Variants in TTC3 observed in about 807,000 individuals in gnomAD.
The protein encoded by TTC3 is tetratricopeptide repeat domain 3.
In TTC3, 180 loss-of-function variants were observed where a neutral mutation model predicts 249.6. The observed-to-expected ratio is 0.72, with a 90% CI of 0.64 to 0.82. TTC3 has a LOEUF of 0.82. TTC3 is among the 40% of genes least tolerant of loss of function. The pLI is 0.00. For synonymous variants in TTC3, 717 were observed against 805.0 expected (o/e 0.89, Z 1.85); for missense variants, 2,061 against 2,398.4 (o/e 0.86, Z 2.94).
At chr21:37,080,808 A>AT (rs932874788) in intron 1 of TTC3, among the ~76,000 whole-genome samples, 8 of 149,226 alleles carry the variant, frequency 5.4e-5, no homozygotes, top group African/African-American at 1.2e-4. Flanking sequence ...TTTTACTTTG[A>AT]TTTTTTTTAG....
intron 32 of TTC3, among the ~76,000 whole-genome samples, chr21:37,165,018 CA>C (rs1221635834): frequency 1.3e-5 from 2 of 152,116 alleles, no homozygotes; most frequent in African/African-American, 4.8e-5. Flanking sequence ...ATCATATTTC[CA>C]GAGAACTCTT....
At chr21:37,078,428 A>G (rs976487031) in intron 1 of TTC3, among the ~76,000 whole-genome samples, 1 of 152,092 alleles carries the variant, frequency 6.6e-6, no homozygotes, top group Non-Finnish European at 1.5e-5. Context: ...TTTATTTTTA[A>G]GAATATGGTA....
chr21:37,124,449 G>A (rs1233697977), intron 13 of TTC3, among the ~76,000 whole-genome samples, 170 bp from the exon 14 acceptor site: 4 of 152,038 alleles, frequency 2.6e-5, no homozygotes, highest in Non-Finnish European at 4.4e-5. Context: ...TGAGTTTAAT[G>A]CCAAATATAA....
At chr21:37,162,144 A>C (rs1021144163) in intron 31 of TTC3, 81 bp downstream of exon 31, 7 of 860,680 alleles carry the variant, frequency 8.1e-6, no homozygotes, top group Non-Finnish European at 1.2e-5. Flanking sequence ...AATATATATA[A>C]ACTTGTGTTT....
chr21:37,149,686 A>G (rs2079280210), intron 23 of TTC3, among the ~76,000 whole-genome samples: 1 of 152,174 alleles, frequency 6.6e-6, no homozygotes, highest in African/African-American at 2.4e-5. Flanking sequence ...GGGCTGTAGC[A>G]GCTTTATTTT....
chr21:37,124,009 A>G (rs377621987), intron 13 of TTC3, among the ~76,000 whole-genome samples: 1 of 151,890 alleles, frequency 6.6e-6, no homozygotes, highest in East Asian at 1.9e-4. Context: ...TTGGCCTCCC[A>G]AAGTGCTGAG....
chr21:37,167,599 T>C (rs1236046773), exon 34 of TTC3: 2 of 1,610,530 alleles, frequency 1.2e-6, no homozygotes, highest in East Asian at 2.2e-5. Flanking sequence ...CTGAGCCATA[T>C]AATCCTTTTG....
intron 17 of TTC3, among the ~76,000 whole-genome samples, chr21:37,134,376 C>G (rs1159521340): frequency 6.6e-6 from 1 of 150,652 alleles, no homozygotes; most frequent in African/African-American, 2.4e-5. Context: ...GCTTGAACCC[C>G]GAGGTGGAGG....
At chr21:37,074,083 G>A (rs1041252382) in intron 1 of TTC3, among the ~76,000 whole-genome samples, 2 of 152,300 alleles carry the variant, frequency 1.3e-5, no homozygotes, top group East Asian at 1.9e-4. Flanking sequence ...CTGTGTGTGC[G>A]TGTCACGACT....
intron 15 of TTC3, 45 bp from the exon 16 acceptor site, chr21:37,128,958 A>C: frequency 7.0e-7 from 1 of 1,430,736 alleles, no homozygotes; most frequent in Non-Finnish European, 9.5e-7. Flanking sequence ...AGGCTTGTAG[A>C]TTTTTATGTA....
chr21:37,074,143 C>A (rs894945515), intron 1 of TTC3, among the ~76,000 whole-genome samples: 3 of 151,682 alleles, frequency 2.0e-5, no homozygotes, highest in Non-Finnish European at 1.5e-5. Context: ...CAGGGCCTGT[C>A]CCCACGGAAC....
intron 7 of TTC3, among the ~76,000 whole-genome samples, chr21:37,091,804 A>T (rs910485666): frequency 6.6e-6 from 1 of 152,136 alleles, no homozygotes; most frequent in Non-Finnish European, 1.5e-5. Flanking sequence ...GTTGATCTCG[A>T]TCTCCTGACC....
At chr21:37,189,407 G>T (rs939655518) in intron 39 of TTC3, among the ~76,000 whole-genome samples, 1 of 151,784 alleles carries the variant, frequency 6.6e-6, no homozygotes, top group Non-Finnish European at 1.5e-5. Context: ...CACATGCCCA[G>T]CTAATTTTTT....
At chr21:37,167,876 T>G (rs550764730) in intron 34 of TTC3, among the ~76,000 whole-genome samples, 4 of 151,756 alleles carry the variant, frequency 2.6e-5, no homozygotes, top group African/African-American at 4.8e-5. Flanking sequence ...TTTTTAAAAT[T>G]TTATTTATTT....
chr21:37,081,111 T>A (rs2071585764), intron 1 of TTC3, among the ~76,000 whole-genome samples: 2 of 62,942 alleles, frequency 3.2e-5, no homozygotes, highest in African/African-American at 5.3e-5. Flanking sequence ...ATTTATGCCT[T>A]TTTTTTTTTT....
At chr21:37,102,353 A>G (rs1174678379) in intron 10 of TTC3, among the ~76,000 whole-genome samples, 3 of 152,230 alleles carry the variant, frequency 2.0e-5, no homozygotes, top group Non-Finnish European at 4.4e-5. Flanking sequence ...TATCCCTTAT[A>G]TGGCTTGCAA....
chr21:37,199,999 A>C (rs960471537), intron 44 of TTC3, among the ~76,000 whole-genome samples: 1 of 152,154 alleles, frequency 6.6e-6, no homozygotes, highest in African/African-American at 2.4e-5. Context: ...CACATAAAAC[A>C]GTTTTTTCTC....
chr21:37,074,497 TTGA>T (rs1339978517), intron 1 of TTC3, among the ~76,000 whole-genome samples: 2 of 152,210 alleles, frequency 1.3e-5, no homozygotes, highest in Admixed American at 1.3e-4. Context: ...TTAGGCGTTC[TTGA>T]TGATATTTAA....
exon 32 of TTC3, chr21:37,164,155 T>G: frequency 6.2e-7 from 1 of 1,613,644 alleles, no homozygotes; most frequent in East Asian, 2.2e-5. Flanking sequence ...AACGAATATG[T>G]TGTCCGCAAT....
Sources: allele counts gnomAD v4.1 joint callset (sites outside exome capture counted in the v4.1 genomes callset), GRCh38; gene constraint gnomAD v4.1.1; transcripts MANE v1.5; gene names NCBI Gene and HGNC (gene_info 2026-07-23, HGNC 2026-07-21).